Variants in ARF3 observed in about 807,000 individuals in gnomAD.
The protein encoded by ARF3 is ARF GTPase 3.
ARF3 carries 5 observed loss-of-function variants against 19.3 expected under a neutral mutation model. The ratio of observed to expected loss-of-function variants is 0.26; its 90% confidence interval spans 0.14 to 0.54. ARF3 has a LOEUF of 0.54. ARF3 is among the 20% of genes least tolerant of loss of function. The pLI, the probability that ARF3 is intolerant of heterozygous loss-of-function variation, is 0.95. For synonymous variants in ARF3, 71 were observed against 89.2 expected (o/e 0.80, Z 1.15); for missense variants, 77 against 234.2 (o/e 0.33, Z 4.38).
intron 1 of ARF3, among the ~76,000 whole-genome samples, chr12:48,955,471 T>G (rs1208745195): frequency 6.6e-6 from 1 of 152,230 alleles, no homozygotes; most frequent in African/African-American, 2.4e-5. Flanking sequence ...TTTTTCTTTT[T>G]GGGTCTTAAG....
At chr12:48,956,557 G>A (rs1012483551) in intron 1 of ARF3, 1 of 152,194 alleles carries the variant, frequency 6.6e-6, no homozygotes, top group Non-Finnish European at 1.5e-5. Context: ...AAGCGGATTG[G>A]AAGACACAAA....
At chr12:48,954,250 C>A (rs573598862) in intron 1 of ARF3, among the ~76,000 whole-genome samples, 3 of 152,166 alleles carry the variant, frequency 2.0e-5, no homozygotes, top group Admixed American at 2.0e-4. Context: ...GCTGTCTCTG[C>A]GATGCTGATG....
chr12:48,954,590 G>C (rs1940527338), intron 1 of ARF3, among the ~76,000 whole-genome samples: 1 of 152,144 alleles, frequency 6.6e-6, no homozygotes, highest in African/African-American at 2.4e-5. Context: ...AGAAAATAAA[G>C]AGAGAAGACA....
chr12:48,938,646 C>A lies in ARF3; in HGVS notation c.*301G>T. On this transcript the variant is annotated 3_prime_UTR_variant, in exon 5 of 5. Coordinates refer to ENST00000256682, the MANE Select transcript of ARF3 (RefSeq NM_001659.3). ...TGCCAAACAAAGAGAATACCCCACT[C>A]GACCTCCCGAAACCCAGAGGGTGAG... 1 of 435,318 alleles carries A rather than the reference C, an allele frequency of 2.3e-6. No homozygotes were observed. The highest frequency in any genetic ancestry group is 1.8e-5 in the South Asian group (1 of 55,520). The allele number at this position is 435,318 out of a possible 1,614,324, so 27.0% of individuals were successfully genotyped here.
chr12:48,945,273 C>T (rs955381966), intron 1 of ARF3, among the ~76,000 whole-genome samples: 4 of 151,720 alleles, frequency 2.6e-5, no homozygotes, highest in Admixed American at 2.0e-4. Flanking sequence ...GGTGAAACCC[C>T]GTCTCTATTA....
intron 1 of ARF3, among the ~76,000 whole-genome samples, chr12:48,955,177 A>C (rs775112219): frequency 6.6e-6 from 1 of 152,224 alleles, no homozygotes; most frequent in Non-Finnish European, 1.5e-5. Flanking sequence ...ACACACTACA[A>C]TATGACTCTT....
At chr12:48,945,887 C>T (rs1940350244) in intron 1 of ARF3, among the ~76,000 whole-genome samples, 1 of 152,202 alleles carries the variant, frequency 6.6e-6, no homozygotes, top group African/African-American at 2.4e-5. Context: ...ACTGCAACTT[C>T]TGCCTCCCAA....
chr12:48,956,255 G>C (rs1427428227), intron 1 of ARF3: 1 of 152,266 alleles, frequency 6.6e-6, no homozygotes, highest in African/African-American at 2.4e-5. Flanking sequence ...CAGGTTTTAG[G>C]TTACATTTCT....
At chr12:48,950,066 G>C (rs1490293926) in intron 1 of ARF3, among the ~76,000 whole-genome samples, 1 of 152,106 alleles carries the variant, frequency 6.6e-6, no homozygotes, top group Non-Finnish European at 1.5e-5. Flanking sequence ...TTTAGAGATG[G>C]GGTCCCACTA....
intron 1 of ARF3, among the ~76,000 whole-genome samples, chr12:48,949,573 C>A (rs1174461258): frequency 6.6e-6 from 1 of 151,990 alleles, no homozygotes; most frequent in Non-Finnish European, 1.5e-5. Context: ...AACAGAGTCT[C>A]ACTCTACCAC....
In ARF3 at chr12:48,941,045, C is replaced by T; in HGVS notation, c.51G>A (p.Glu17=). The T allele has an allele frequency of 1.2e-6, 2 of 1,613,996 alleles. No individual in the cohort carries two copies. Among genetic ancestry groups the T allele is most frequent in the Non-Finnish European group, 1.7e-6 (2 of 1,179,964 alleles). The change falls in exon 2 of 5, where the codon GAG becomes GAA. Residue 17 remains glutamate (E), a synonymous_variant. Coordinates refer to ENST00000256682, the MANE Select transcript of ARF3 (RefSeq NM_001659.3). ...CCAGGCCCACCATCAGGATGCGCAT[C>T]TCCTTCTTCCCAATCAGGCTCTTGA... The part of the protein sequence containing the change: ...NLLKSLIGKK[E]MRILMVGLDA...
At chr12:48,947,363 G>A (rs1048769121) in intron 1 of ARF3, among the ~76,000 whole-genome samples, 4 of 148,946 alleles carry the variant, frequency 2.7e-5, no homozygotes, top group African/African-American at 9.9e-5. Flanking sequence ...CTGGGGTGCA[G>A]TGGCGCAATC....
chr12:48,949,286 C>T (rs1026365772), intron 1 of ARF3, among the ~76,000 whole-genome samples: 5 of 152,132 alleles, frequency 3.3e-5, no homozygotes, highest in African/African-American at 9.7e-5. Flanking sequence ...AGTGCAGTGG[C>T]GCGATCTCGG....
chr12:48,941,617 GCTCT>G (rs1404050509), intron 1 of ARF3: 1 of 152,160 alleles, frequency 6.6e-6, no homozygotes, highest in African/African-American at 2.4e-5. Flanking sequence ...ATAAGGAGTG[GCTCT>G]CTGTGACTCC....
At position 48,940,970 on chromosome 12, in the gene ARF3, G is replaced by A. The variant is rs780427858; in HGVS notation, c.126C>T (p.Ile42=). Residue 42 remains isoleucine (I), a synonymous_variant, in exon 2 of 5, where the codon ATC becomes ATT. Coordinates refer to ENST00000256682, the MANE Select transcript of ARF3 (RefSeq NM_001659.3). ...TILYKLKLGE[I]VTTIPTIGFN... is the part of the protein sequence containing the mutation. The stretch of plus-strand genomic sequence containing the variant: ...TACCAATGGTAGGGATGGTGGTGAC[G>A]ATCTCCCCGAGTTTCAGCTTGTATA... 33 of 1,609,554 alleles carry A rather than the reference G, an allele frequency of 2.1e-5. No homozygotes were observed. Among genetic ancestry groups the A allele is most frequent in the Non-Finnish European group, 2.5e-5 (29 of 1,177,594 alleles).
rs1223309521 is a variant in ARF3, at chr12:48,938,224, T to G, written c.*723A>C. 1.7e-5 allele frequency: 6 copies of G among 362,282 alleles called. No individual in the cohort carries two copies. The highest frequency in any genetic ancestry group is 2.8e-5 in the Non-Finnish European group (5 of 180,530). 22.4% of individuals were successfully genotyped at this position (362,282 alleles called of 1,614,324 possible). A position where few individuals can be genotyped will look rare whatever the true frequency, so the allele number is the denominator to read the frequency against. ...GGAGAGAAGAGTACAAGGAAAATGG[T>G]GGTGAAGAATCCATCATCTGTCCTA... On this transcript the variant is annotated 3_prime_UTR_variant, in exon 5 of 5. Transcript: ENST00000256682.
intron 1 of ARF3, among the ~76,000 whole-genome samples, chr12:48,954,251 G>A (rs914824035): frequency 4.6e-5 from 7 of 152,156 alleles, no homozygotes; most frequent in East Asian, 3.8e-4. Context: ...CTGTCTCTGC[G>A]ATGCTGATGC....
intron 1 of ARF3, among the ~76,000 whole-genome samples, chr12:48,956,709 T>A (rs1940575169): frequency 6.6e-6 from 1 of 151,956 alleles, no homozygotes; most frequent in African/African-American, 2.4e-5. Flanking sequence ...TCTCCCCACT[T>A]GCTGCCCTCT....
intron 1 of ARF3, among the ~76,000 whole-genome samples, chr12:48,954,082 GTGCT>G (rs561787927): frequency 0.015 from 2,216 of 152,284 alleles, 35 homozygotes; most frequent in Middle Eastern, 0.054. Context: ...GGTCATCAGG[GTGCT>G]CTTTTCTGGA....
Sources: gnomAD v4.1 joint callset for allele counts (sites outside exome capture counted in the v4.1 genomes callset) on GRCh38, gnomAD v4.1.1 for gene constraint, MANE v1.5 for transcripts, NCBI Gene and HGNC (gene_info 2026-07-23, HGNC 2026-07-21) for gene names.